The following AGPAT4 variants were observed in gnomAD, a reference collection of about 807,000 sequenced individuals.
AGPAT4 encodes the protein 1-acyl-sn-glycerol-3-phosphate acyltransferase delta.
AGPAT4 carries 15 observed loss-of-function variants against 48.0 expected under a neutral mutation model. The observed-to-expected ratio is 0.31, with a 90% confidence interval of 0.21 to 0.48. AGPAT4 has a LOEUF of 0.48. Among genes scored for constraint, AGPAT4 ranks in the 20% least tolerant of loss-of-function variants. The probability of loss-of-function intolerance (pLI) is 0.99; values close to 1 mark genes in which losing one functional copy is unlikely to be tolerated. For synonymous variants in AGPAT4, 178 were observed against 198.7 expected, an observed-to-expected ratio of 0.90 and a Z score of 0.88; for missense variants, 314 against 482.5, an observed-to-expected ratio of 0.65 and a Z score of 3.27.
At position 161,198,580 on chromosome 6, in the gene AGPAT4, G is replaced by A. The variant is rs749147195; in HGVS notation, c.179-32163C>T. Among the ~76,000 whole-genome samples the A allele has an allele frequency of 2.0e-5, 3 of 152,194 alleles. No homozygotes were observed. Among genetic ancestry groups the A allele is most frequent in the Non-Finnish European group, 4.4e-5 (3 of 68,048 alleles). ...TATGGTAGAATTTAGACACATAATTGCTCAGGCTGGGTTACATCCTGGCCC... is the reference window on the plus strand; with the variant it reads ...TATGGTAGAATTTAGACACATAATTACTCAGGCTGGGTTACATCCTGGCCC... On this transcript the variant is annotated intron_variant, in intron 2 of 8. Transcript: ENST00000320285. The surrounding 1 kb of genome is among the most constrained non-coding windows in gnomAD (Gnocchi z 4.3).
At chr6:161,247,425 G>A (rs1034515052) in intron 1 of AGPAT4, among the ~76,000 whole-genome samples, 1 of 152,042 alleles carries the variant, frequency 6.6e-6, no homozygotes, top group Non-Finnish European at 1.5e-5. Flanking sequence ...TTTGGCGAAT[G>A]CATAAAGCTT....
At chr6:161,153,943 G>A (rs1011098162) in intron 4 of AGPAT4, among the ~76,000 whole-genome samples, 11 of 145,938 alleles carry the variant, frequency 7.5e-5, no homozygotes, top group Admixed American at 4.1e-4. Flanking sequence ...GGTCATACAC[G>A]GCCCCACAGT....
At chr6:161,207,095 ATT>A (rs1223550624) in intron 2 of AGPAT4, among the ~76,000 whole-genome samples, 2 of 152,234 alleles carry the variant, frequency 1.3e-5, no homozygotes, top group African/African-American at 4.8e-5. Context: ...GCAGATAAGA[ATT>A]TAAGAGTCTT....
rs1781744686 is a variant in AGPAT4, at chr6:161,219,476, AC to A, written c.178+12559del. Among the ~76,000 whole-genome samples the A allele has an allele frequency of 6.6e-6, 1 of 152,066 alleles. No individual in the cohort carries two copies. Among genetic ancestry groups the A allele is most frequent in the Non-Finnish European group, 1.5e-5 (1 of 68,020 alleles). On this transcript the variant is annotated intron_variant, in intron 2 of 8. Coordinates refer to ENST00000320285, the MANE Select transcript of AGPAT4 (RefSeq NM_020133.3). The surrounding 1 kb of genome is among the most constrained non-coding windows in gnomAD (Gnocchi z 4.9). ...TCTTGTTTACCTCCTGGAAATATCC[AC>A]TGCACCATGAAGACCACACACGATC... is the stretch of plus-strand genomic sequence containing the variant.
chr6:161,273,753 C>T (rs1301628328), intron 1 of AGPAT4, among the ~76,000 whole-genome samples, 185 bp downstream of exon 1: 2 of 151,806 alleles, frequency 1.3e-5, no homozygotes, highest in Admixed American at 1.3e-4. Flanking sequence ...CTTCGCCTCC[C>T]TCCAGGCGCC....
rs1583269936 is a variant in AGPAT4, at chr6:161,136,586, C to T, written c.1091G>A (p.Gly364Asp). Residue 364 changes from glycine (G) to aspartate (D), a missense_variant, in exon 9 of 9, where the codon GGC becomes GAC. By Grantham distance (94) the Gly-to-Asp change is moderately conservative (BLOSUM62 -1). Coordinates refer to ENST00000320285, the MANE Select transcript of AGPAT4 (RefSeq NM_020133.3). ...WMIGVTEIDK[G>D]SAYGNSDSKQ... is the part of the protein sequence containing the mutation. ...GCTGTCAGAGTTGCCGTAGGCAGAG[C>T]CCTTGTCAATTTCCGTCACACCAAT... is the stretch of plus-strand genomic sequence containing the variant. 5.0e-6 allele frequency: 8 copies of T among 1,614,204 alleles called. No individual in the cohort carries two copies. Among genetic ancestry groups the T allele is most frequent in the Non-Finnish European group, 6.8e-6 (8 of 1,180,048 alleles).
At position 161,158,831 on chromosome 6, in the gene AGPAT4, C is replaced by G. The variant is rs981859038; in HGVS notation, c.349-4521G>C. Among the ~76,000 whole-genome samples, 1 of 152,168 alleles carries G rather than the reference C, an allele frequency of 6.6e-6. No individual in the cohort carries two copies. The highest frequency in any genetic ancestry group is 1.5e-5 in the Non-Finnish European group (1 of 68,022). ...AACCCCGGTGCTGCGAGCAGCATGG[C>G]TGGGAGCAGCAGGGTATCCTGCTCC... On this transcript the variant is annotated intron_variant, in intron 3 of 8. Coordinates refer to ENST00000320285, the MANE Select transcript of AGPAT4 (RefSeq NM_020133.3). This position sits in a 1 kb window ranked among gnomAD's most constrained non-coding sequence, Gnocchi z 5.3.
chr6:161,270,349 A>G lies in AGPAT4; in HGVS notation c.-90+3589T>C, dbSNP rs1783386559. Among the ~76,000 whole-genome samples the G allele has an allele frequency of 1.3e-5, 2 of 152,218 alleles. No individual in the cohort carries two copies. Among genetic ancestry groups the G allele is most frequent in the Admixed American group, 1.3e-4 (2 of 15,278 alleles). ...GCTTCCTTTCCAAACTGATTCTCAC[A>G]CAAAGAATAATGAATTTGAGTTGCC... On this transcript the variant is annotated intron_variant, in intron 1 of 8. Coordinates refer to ENST00000320285, the MANE Select transcript of AGPAT4 (RefSeq NM_020133.3). This position sits in a 1 kb window ranked among gnomAD's most constrained non-coding sequence, Gnocchi z 5.3.
In AGPAT4 at chr6:161,255,823, C is replaced by T. The variant is rs1782929372; in HGVS notation, c.-90+18115G>A. 6.6e-6 allele frequency among the ~76,000 whole-genome samples: 1 copy of T among 152,024 alleles called. No homozygotes were observed. The highest frequency in any genetic ancestry group is 1.5e-5 in the Non-Finnish European group (1 of 67,994). On this transcript the variant is annotated intron_variant, in intron 1 of 8. Coordinates refer to ENST00000320285, the MANE Select transcript of AGPAT4 (RefSeq NM_020133.3). The surrounding 1 kb of genome is among the most constrained non-coding windows in gnomAD (Gnocchi z 4.7). ...TGATGGTCGCACAACCATGAATATA[C>T]AAAAAGCCATTGCACTGCACACTTG... is the stretch of plus-strand genomic sequence containing the variant.
In AGPAT4 at chr6:161,241,549, T is replaced by C. The variant is rs763179542; in HGVS notation, c.-89-9247A>G. ...TTCATATTTAATAGTTGGTTCTGAG[T>C]AGCTTGTGAGAGAAAAACAAATTGG... On this transcript the variant is annotated intron_variant, in intron 1 of 8. Coordinates refer to ENST00000320285, the MANE Select transcript of AGPAT4 (RefSeq NM_020133.3). Among the ~76,000 whole-genome samples the C allele has an allele frequency of 1.3e-4, 20 of 152,258 alleles. No homozygotes were observed. The Middle Eastern group carries it at 0.01, about 78-fold the overall frequency.
rs1307883338 is a variant in AGPAT4, at chr6:161,201,297, G to A, written c.178+30739C>T. Among the ~76,000 whole-genome samples the A allele has an allele frequency of 1.3e-5, 2 of 152,124 alleles. No individual in the cohort carries two copies. Among genetic ancestry groups the A allele is most frequent in the African/African-American group, 4.8e-5 (2 of 41,418 alleles). On this transcript the variant is annotated intron_variant, in intron 2 of 8. Transcript: ENST00000320285. This position sits in a 1 kb window ranked among gnomAD's most constrained non-coding sequence, Gnocchi z 6.0. Reference sequence around the variant, plus strand: ...CAATTTTCTCTGGGACTGGATTAATGAGCTCTACAGTCCCAAGAGAGAGGT... The same window carrying A: ...CAATTTTCTCTGGGACTGGATTAATAAGCTCTACAGTCCCAAGAGAGAGGT...
intron 1 of AGPAT4, among the ~76,000 whole-genome samples, chr6:161,241,608 G>C (rs1294127580): frequency 6.6e-6 from 1 of 152,244 alleles, no homozygotes; most frequent in African/African-American, 2.4e-5. Context: ...CAGAAAGCTA[G>C]ACTCAGAAGC....
chr6:161,210,034 AT>A (rs1194512767), intron 2 of AGPAT4, among the ~76,000 whole-genome samples: 2 of 152,124 alleles, frequency 1.3e-5, no homozygotes, highest in African/African-American at 2.4e-5. Context: ...TTTAAAAAAA[AT>A]TTTTTTAAGT....
intron 1 of AGPAT4, among the ~76,000 whole-genome samples, chr6:161,253,751 T>A (rs1782868636): frequency 6.6e-6 from 1 of 152,242 alleles, no homozygotes; most frequent in Non-Finnish European, 1.5e-5. Context: ...ATTTATAATG[T>A]CTGAATCCTT....
In AGPAT4 at chr6:161,169,998, T is replaced by G. The variant is rs1404885304; in HGVS notation, c.179-3581A>C. Among the ~76,000 whole-genome samples the G allele has an allele frequency of 1.3e-5, 2 of 152,188 alleles. No homozygotes were observed. Among genetic ancestry groups the G allele is most frequent in the Admixed American group, 6.5e-5 (1 of 15,280 alleles). ...TCCCCTGGATCCCCGCCAGCTTCTC[T>G]GAATCCCAGGCCAGGTGGTTGTATT... On this transcript the variant is annotated intron_variant, in intron 2 of 8. Transcript: ENST00000320285. The surrounding 1 kb of genome is among the most constrained non-coding windows in gnomAD (Gnocchi z 5.0).
Position 161,198,062 on chromosome 6 carries a change from T to C in AGPAT4, c.179-31645A>G, listed in dbSNP as rs1255325974. 6.6e-6 allele frequency among the ~76,000 whole-genome samples: 1 copy of C among 152,218 alleles called. No individual in the cohort carries two copies. The highest frequency in any genetic ancestry group is 1.5e-5 in the Non-Finnish European group (1 of 68,040). ...CTTCATTCTTCCCACTCTTCTTTTG[T>C]TTAATATTTTAAAATATTTCCCTTT... is the stretch of plus-strand genomic sequence containing the variant. On this transcript the variant is annotated intron_variant, in intron 2 of 8. Transcript: ENST00000320285. The surrounding 1 kb of genome is among the most constrained non-coding windows in gnomAD (Gnocchi z 4.3).
chr6:161,186,079 C>T (rs560853606), intron 2 of AGPAT4, among the ~76,000 whole-genome samples: 1 of 152,242 alleles, frequency 6.6e-6, no homozygotes, highest in Admixed American at 6.5e-5. Context: ...CAAGGAAAGT[C>T]TCATTGCCTA....
At chr6:161,176,893 A>G (rs993404115) in intron 2 of AGPAT4, among the ~76,000 whole-genome samples, 29 of 152,192 alleles carry the variant, frequency 1.9e-4, no homozygotes, top group Non-Finnish European at 3.7e-4. Flanking sequence ...TTTCTCCTTT[A>G]CTTATGAAGC....
At chr6:161,210,782 T>C (rs540465628) in intron 2 of AGPAT4, among the ~76,000 whole-genome samples, 1 of 152,212 alleles carries the variant, frequency 6.6e-6, no homozygotes, top group African/African-American at 2.4e-5. Flanking sequence ...AAATTTGGCA[T>C]AGGGGTTACA....
Sources: allele counts gnomAD v4.1 joint callset (sites outside exome capture counted in the v4.1 genomes callset), GRCh38; gene constraint gnomAD v4.1.1; non-coding constraint Gnocchi (gnomAD v3.1); transcripts MANE v1.5; gene names NCBI Gene and HGNC (gene_info 2026-07-23, HGNC 2026-07-21).